SLC35F3: variants seen among roughly 807,000 people sequenced by gnomAD.
SLC35F3 encodes putative thiamine transporter SLC35F3.
In SLC35F3, 25 loss-of-function variants were observed where a neutral mutation model predicts 49.9. The ratio of observed to expected loss-of-function variants is 0.50; its 90% confidence interval spans 0.37 to 0.70. The LOEUF (loss-of-function observed/expected upper bound fraction) is 0.70, where lower values mean the gene tolerates loss of function less well. Ranked by LOEUF, SLC35F3 falls within the 30% of genes least tolerant of loss-of-function variation. The pLI, the probability that SLC35F3 is intolerant of heterozygous loss-of-function variation, is 0.00. For synonymous variants in SLC35F3, 275 were observed against 265.4 expected (o/e 1.04, Z -0.35); for missense variants, 525 against 639.8 (o/e 0.82, Z 1.94).
intron 3 of SLC35F3, among the ~76,000 whole-genome samples, chr1:234,233,085 C>T (rs2102952135): frequency 6.6e-6 from 1 of 152,238 alleles, no homozygotes; most frequent in East Asian, 1.9e-4. Context: ...GCTCATGGAC[C>T]AGCCAGAAAT....
At chr1:233,918,795 TCTTTC>T (rs1450565444) in intron 2 of SLC35F3, among the ~76,000 whole-genome samples, 7 of 77,980 alleles carry the variant, frequency 9.0e-5, no homozygotes, top group African/African-American at 2.3e-4. Context: ...TCTCTCTCTC[TCTTTC>T]TCTCTCTCTC....
chr1:233,998,052 C>T lies in SLC35F3; in HGVS notation c.283+92294C>T, dbSNP rs562663881. Among the ~76,000 whole-genome samples, 13 of 151,984 alleles carry T rather than the reference C, an allele frequency of 8.6e-5. No homozygotes were observed. The South Asian group carries it at 1.0e-3, about 12-fold the overall frequency. On this transcript the variant is annotated intron_variant, in intron 2 of 7. Coordinates refer to ENST00000366618, the MANE Select transcript of SLC35F3 (RefSeq NM_173508.4). ...TAGGAGTGAGCCACCGCGCCCAGCC[C>T]GTATTTTCTTCGAGTCTATTTTTAA... is the stretch of plus-strand genomic sequence containing the variant.
intron 2 of SLC35F3, among the ~76,000 whole-genome samples, chr1:233,967,749 C>T (rs1232851413): frequency 6.6e-6 from 1 of 152,104 alleles, no homozygotes; most frequent in Non-Finnish European, 1.5e-5. Context: ...TTTTTCCACT[C>T]CGGAGTATAG....
rs182856818 is a variant in SLC35F3, at chr1:233,913,198, G to A, written c.283+7440G>A. Among the ~76,000 whole-genome samples, 155 of 152,346 alleles carry A rather than the reference G, an allele frequency of 1.0e-3. 2 individuals carry two copies. The highest frequency in any genetic ancestry group is 3.7e-3 in the African/African-American group (153 of 41,574). ...CATTCCAAGCAAAGGGACAACATAT[G>A]CACGGGAATGTAGTCAGCTATTGCT... is the stretch of plus-strand genomic sequence containing the variant. On this transcript the variant is annotated intron_variant, in intron 2 of 7. Transcript: ENST00000366618.
chr1:234,202,672 C>T (rs551639591), intron 2 of SLC35F3, among the ~76,000 whole-genome samples: 1 of 152,246 alleles, frequency 6.6e-6, no homozygotes, highest in Non-Finnish European at 1.5e-5. Flanking sequence ...CAAGCAGCTG[C>T]CATTCCAAGG....
At chr1:234,106,603 G>C (rs1665287892) in intron 2 of SLC35F3, among the ~76,000 whole-genome samples, 1 of 152,148 alleles carries the variant, frequency 6.6e-6, no homozygotes. Flanking sequence ...AGTGCTATTA[G>C]ATAGGGCCCC....
intron 2 of SLC35F3, among the ~76,000 whole-genome samples, chr1:233,948,209 G>A (rs571540798): frequency 7.0e-6 from 1 of 141,880 alleles, no homozygotes; most frequent in East Asian, 2.1e-4. Flanking sequence ...GAGAGGGAGA[G>A]AGGGAGAGAG....
chr1:234,172,521 C>T (rs1288883831), intron 2 of SLC35F3, among the ~76,000 whole-genome samples: 1 of 152,158 alleles, frequency 6.6e-6, no homozygotes. Context: ...GGCACCTGGC[C>T]GAATTGTTTA....
chr1:234,193,252 A>G (rs1012590201), intron 2 of SLC35F3, among the ~76,000 whole-genome samples: 11 of 152,218 alleles, frequency 7.2e-5, no homozygotes, highest in African/African-American at 2.4e-4. Flanking sequence ...AGGCACATAG[A>G]CCAACGGAAC....
intron 2 of SLC35F3, among the ~76,000 whole-genome samples, chr1:234,059,207 T>C (rs1376942043): frequency 6.6e-6 from 1 of 152,114 alleles, no homozygotes; most frequent in Admixed American, 6.6e-5. Flanking sequence ...TTCTTCCTCC[T>C]TATTTTTTAG....
intron 2 of SLC35F3, among the ~76,000 whole-genome samples, chr1:234,107,171 G>A (rs1204643495): frequency 6.6e-6 from 1 of 152,176 alleles, no homozygotes; most frequent in African/African-American, 2.4e-5. Flanking sequence ...TTCAGGTGGT[G>A]CCACTTGCCT....
intron 2 of SLC35F3, among the ~76,000 whole-genome samples, chr1:234,002,658 C>T (rs185205255): frequency 3.3e-5 from 5 of 152,278 alleles, no homozygotes; most frequent in Admixed American, 6.5e-5. Context: ...GATTCCCCCA[C>T]TATAAAGTTA....
At position 233,941,516 on chromosome 1, in the gene SLC35F3, T is replaced by C. The variant is rs138599221; in HGVS notation, c.283+35758T>C. Among the ~76,000 whole-genome samples, 4 of 152,304 alleles carry C rather than the reference T, an allele frequency of 2.6e-5. No individual in the cohort carries two copies. In the East Asian group the frequency reaches 7.7e-4, roughly 29 times the overall value. The stretch of plus-strand genomic sequence containing the variant: ...CTGTGCACTATGGTACCTGGGCGTC[T>C]AAAACAGTGGCTGATACACAGTTTG... On this transcript the variant is annotated intron_variant, in intron 2 of 7. Transcript: ENST00000366618.
At chr1:234,047,951 G>C (rs1664318717) in intron 2 of SLC35F3, among the ~76,000 whole-genome samples, 1 of 152,116 alleles carries the variant, frequency 6.6e-6, no homozygotes, top group African/African-American at 2.4e-5. Context: ...TGTTGGTATA[G>C]GTATGGACAA....
intron 2 of SLC35F3, among the ~76,000 whole-genome samples, chr1:234,066,349 C>T (rs1460682230): frequency 6.6e-6 from 1 of 152,076 alleles, no homozygotes; most frequent in Non-Finnish European, 1.5e-5. Context: ...CCCACATCCT[C>T]CCCACCTCTC....
intron 2 of SLC35F3, among the ~76,000 whole-genome samples, chr1:233,938,234 A>C (rs1246061338): frequency 6.6e-6 from 1 of 152,218 alleles, no homozygotes; most frequent in Non-Finnish European, 1.5e-5. Flanking sequence ...AGCAGAGAAT[A>C]CAATAAAGCT....
intron 2 of SLC35F3, among the ~76,000 whole-genome samples, chr1:234,028,152 C>A (rs1664004821): frequency 6.6e-6 from 1 of 152,112 alleles, no homozygotes; most frequent in Admixed American, 6.5e-5. Flanking sequence ...TGGTAGGAAC[C>A]CTGAGACCTA....
intron 2 of SLC35F3, among the ~76,000 whole-genome samples, chr1:234,103,850 G>A (rs1665246901): frequency 6.6e-6 from 1 of 152,172 alleles, no homozygotes; most frequent in Non-Finnish European, 1.5e-5. Context: ...GGGATTGGAA[G>A]TGATGGATGC....
intron 2 of SLC35F3, among the ~76,000 whole-genome samples, chr1:233,984,887 G>C (rs191656390): frequency 1.1e-3 from 164 of 152,204 alleles, no homozygotes; most frequent in African/African-American, 3.8e-3. Context: ...TAGCTTCCTT[G>C]GTTATTGTTT....
Sources: allele counts gnomAD v4.1 joint callset (sites outside exome capture counted in the v4.1 genomes callset), GRCh38; gene constraint gnomAD v4.1.1; transcripts MANE v1.5; gene names NCBI Gene and HGNC (gene_info 2026-07-23, HGNC 2026-07-21).